Variants in NTM observed in about 807,000 individuals in gnomAD.
NTM encodes the protein neurotrimin.
In NTM, 13 loss-of-function variants were observed where a neutral mutation model predicts 42.1. That is an observed-to-expected ratio of 0.31 (90% CI 0.20 to 0.49). The LOEUF (loss-of-function observed/expected upper bound fraction) is 0.49. Ranked by LOEUF, NTM falls within the 20% of genes least tolerant of loss-of-function variation. The pLI is 0.99. For missense variants in NTM, 373 were observed against 452.8 expected, an observed-to-expected ratio of 0.82 and a Z score of 1.60; for synonymous variants, 187 against 179.2, an observed-to-expected ratio of 1.04 and a Z score of -0.35.
At chr11:131,501,008 T>C (rs1318081181) in intron 1 of NTM, among the ~76,000 whole-genome samples, 1 of 151,798 alleles carries the variant, frequency 6.6e-6, no homozygotes. Flanking sequence ...CCTATAGTTA[T>C]TAAGTGGTGG....
chr11:131,941,348 C>T (rs913368036), intron 2 of NTM, among the ~76,000 whole-genome samples: 2 of 152,188 alleles, frequency 1.3e-5, no homozygotes, highest in African/African-American at 4.8e-5. Context: ...AGCCACCACC[C>T]TTTTGGGGAG....
chr11:131,806,899 T>G (rs2092518675), intron 1 of NTM, among the ~76,000 whole-genome samples: 1 of 152,154 alleles, frequency 6.6e-6, no homozygotes. Context: ...AGAAAACACA[T>G]AAACCACTAC....
At chr11:132,096,560 A>G (rs190779462) in intron 2 of NTM, among the ~76,000 whole-genome samples, 5 of 152,302 alleles carry the variant, frequency 3.3e-5, no homozygotes, top group Admixed American at 2.6e-4. Flanking sequence ...CTTACAAGCA[A>G]TGTAACTCCC....
intron 2 of NTM, among the ~76,000 whole-genome samples, chr11:131,946,017 G>T (rs1045379160): frequency 2.0e-5 from 3 of 152,308 alleles, no homozygotes; most frequent in Non-Finnish European, 2.9e-5. Flanking sequence ...ATGAACTGGG[G>T]TTAGTTACAT....
chr11:131,474,537 C>G (rs892537114), intron 1 of NTM, among the ~76,000 whole-genome samples: 1 of 152,100 alleles, frequency 6.6e-6, no homozygotes, highest in Non-Finnish European at 1.5e-5. Flanking sequence ...GCCTCAGGCT[C>G]TTTATATCCA....
chr11:131,482,858 TCACTATGGG>T (rs1953756115), intron 1 of NTM, among the ~76,000 whole-genome samples: 2 of 152,088 alleles, frequency 1.3e-5, no homozygotes, highest in Non-Finnish European at 1.5e-5. Context: ...AAAGTAAAAT[TCACTATGGG>T]TGTGATTTGT....
At chr11:131,497,085 A>G (rs915659091) in intron 1 of NTM, among the ~76,000 whole-genome samples, 3 of 152,154 alleles carry the variant, frequency 2.0e-5, no homozygotes, top group African/African-American at 7.2e-5. Context: ...GCTCTATGTG[A>G]TCTTCTGTCC....
chr11:131,853,265 A>G (rs2045772347), intron 1 of NTM, among the ~76,000 whole-genome samples: 1 of 152,162 alleles, frequency 6.6e-6, no homozygotes. Flanking sequence ...TCATGGGTAC[A>G]TATGCAGGAT....
intron 1 of NTM, among the ~76,000 whole-genome samples, chr11:131,719,905 G>C (rs991457457): frequency 1.3e-5 from 2 of 152,210 alleles, no homozygotes; most frequent in African/African-American, 4.8e-5. Flanking sequence ...ACTGTGCCCA[G>C]ATGGTGGACT....
At chr11:131,887,692 C>A (rs1044131673) in intron 1 of NTM, among the ~76,000 whole-genome samples, 5 of 152,188 alleles carry the variant, frequency 3.3e-5, no homozygotes, top group African/African-American at 9.7e-5. Flanking sequence ...TTGCTCCCAT[C>A]GCACTGTAGG....
At chr11:131,500,360 G>A (rs2046585257) in intron 1 of NTM, among the ~76,000 whole-genome samples, 1 of 151,786 alleles carries the variant, frequency 6.6e-6, no homozygotes, top group African/African-American at 2.4e-5. Flanking sequence ...TATTTATGAA[G>A]TAATTCTTCT....
intron 4 of NTM, among the ~76,000 whole-genome samples, chr11:132,250,089 T>C (rs1222535431): frequency 1.3e-5 from 2 of 152,222 alleles, no homozygotes; most frequent in Admixed American, 6.5e-5. Flanking sequence ...TTTTCTCAGT[T>C]TTTGTTTAGT....
chr11:132,325,789 T>C, intron 7 of NTM, among the ~76,000 whole-genome samples: 1 of 152,138 alleles, frequency 6.6e-6, no homozygotes. Flanking sequence ...AACAATAGAC[T>C]GGATTAAGAA....
intron 1 of NTM, among the ~76,000 whole-genome samples, chr11:131,392,127 C>T (rs1206457291): frequency 6.6e-6 from 1 of 152,164 alleles, no homozygotes; most frequent in African/African-American, 2.4e-5. Context: ...AGTCTTTTTT[C>T]CTAGTGGTCT....
At chr11:131,854,704 G>A (rs572137999) in intron 1 of NTM, among the ~76,000 whole-genome samples, 15 of 152,248 alleles carry the variant, frequency 9.9e-5, no homozygotes, top group Non-Finnish European at 2.1e-4. Context: ...TAAGAGCAAT[G>A]GGAAGACTTT....
intron 2 of NTM, among the ~76,000 whole-genome samples, chr11:132,038,114 G>C (rs1350374801): frequency 6.6e-6 from 1 of 152,244 alleles, no homozygotes; most frequent in Non-Finnish European, 1.5e-5. Context: ...TGTGGCATGT[G>C]TTGCCTTGTG....
At chr11:131,467,811 G>C (rs1317570914) in intron 1 of NTM, among the ~76,000 whole-genome samples, 2 of 152,196 alleles carry the variant, frequency 1.3e-5, no homozygotes, top group African/African-American at 2.4e-5. Flanking sequence ...AAAGCCACAG[G>C]ATTGAATGAC....
intron 1 of NTM, among the ~76,000 whole-genome samples, chr11:131,764,365 T>G (rs779003986): frequency 6.6e-6 from 1 of 152,180 alleles, no homozygotes; most frequent in Non-Finnish European, 1.5e-5. Context: ...GATTTCCTTC[T>G]TCCTCATGTC....
At chr11:131,693,096 G>A (rs1284665673) in intron 1 of NTM, among the ~76,000 whole-genome samples, 3 of 152,164 alleles carry the variant, frequency 2.0e-5, no homozygotes, top group Non-Finnish European at 2.9e-5. Context: ...TTGGGACTGG[G>A]AGTTTGGCCT....
Sources: allele counts gnomAD v4.1 joint callset (sites outside exome capture counted in the v4.1 genomes callset), GRCh38; gene constraint gnomAD v4.1.1; transcripts MANE v1.5; gene names NCBI Gene and HGNC (gene_info 2026-07-23, HGNC 2026-07-21).